Variants in LRMDA observed in about 807,000 individuals in gnomAD.
The protein encoded by LRMDA is leucine rich melanocyte differentiation associated.
A neutral mutation model predicts 29.8 loss-of-function variants in LRMDA; 18 were observed. That is an observed-to-expected ratio of 0.60 (90% CI 0.42 to 0.90). LRMDA has a LOEUF of 0.90. LRMDA is among the 40% of genes least tolerant of loss of function. The pLI is 0.00. For synonymous variants in LRMDA, 125 were observed against 109.4 expected (o/e 1.14, Z -0.89); for missense variants, 273 against 273.9 (o/e 1.00, Z 0.02).
intron 5 of LRMDA, among the ~76,000 whole-genome samples, chr10:76,093,855 A>C (rs1849271798): frequency 6.6e-6 from 1 of 152,192 alleles, no homozygotes; most frequent in African/African-American, 2.4e-5. Flanking sequence ...TGTCTAGAAC[A>C]TCTGCAGCTG....
At chr10:76,102,866 G>A (rs1849416471) in intron 5 of LRMDA, among the ~76,000 whole-genome samples, 1 of 152,026 alleles carries the variant, frequency 6.6e-6, no homozygotes, top group Non-Finnish European at 1.5e-5. Flanking sequence ...TGCCCAGGCT[G>A]GCCTTTAACT....
At chr10:75,740,511 G>A (rs1478629575) in intron 2 of LRMDA, among the ~76,000 whole-genome samples, 1 of 152,150 alleles carries the variant, frequency 6.6e-6, no homozygotes, top group East Asian at 1.9e-4. Flanking sequence ...GGGCCCCTCT[G>A]TGACCACCTG....
chr10:75,977,512 A>G (rs1236458936), intron 2 of LRMDA, among the ~76,000 whole-genome samples: 4 of 152,176 alleles, frequency 2.6e-5, no homozygotes, highest in African/African-American at 9.7e-5. Flanking sequence ...TTCTTTTTGG[A>G]CATCTTTTTA....
At chr10:76,271,651 A>G (rs1452965915) in intron 5 of LRMDA, among the ~76,000 whole-genome samples, 1 of 152,208 alleles carries the variant, frequency 6.6e-6, no homozygotes, top group African/African-American at 2.4e-5. Flanking sequence ...GACAGAAAAC[A>G]GGCTTGGACA....
At chr10:76,053,222 A>G (rs1848558814) in intron 4 of LRMDA, among the ~76,000 whole-genome samples, 1 of 152,172 alleles carries the variant, frequency 6.6e-6, no homozygotes, top group African/African-American at 2.4e-5. Context: ...CCTTCAAAAC[A>G]AACTGATTGA....
chr10:75,508,959 T>G (rs756820435), intron 2 of LRMDA, among the ~76,000 whole-genome samples: 1 of 152,264 alleles, frequency 6.6e-6, no homozygotes, highest in Non-Finnish European at 1.5e-5. Context: ...TGGTTGATTC[T>G]GTTATCTGTG....
chr10:75,454,154 C>T (rs1161990394), intron 2 of LRMDA, among the ~76,000 whole-genome samples: 1 of 152,162 alleles, frequency 6.6e-6, no homozygotes, highest in Non-Finnish European at 1.5e-5. Flanking sequence ...CAGGACGCTT[C>T]TGGAATGAGG....
chr10:75,613,699 A>G (rs781169308), intron 2 of LRMDA, among the ~76,000 whole-genome samples: 2 of 152,182 alleles, frequency 1.3e-5, no homozygotes, highest in South Asian at 4.1e-4. Flanking sequence ...AGCAACAGCC[A>G]GTGTTTCGTG....
At position 76,058,648 on chromosome 10, in the gene LRMDA, C is replaced by G. The variant is rs1297550502; in HGVS notation, c.399-18C>G. 6.2e-7 allele frequency: 1 copy of G among 1,600,894 alleles called. No individual in the cohort carries two copies. The highest frequency in any genetic ancestry group is 8.6e-7 in the Non-Finnish European group (1 of 1,168,028). ...GCCACTCAAACTTCCTGAGTTGTCT[C>G]TGACTCTTATCTTCCAGATGCTTTG... On this transcript the variant is annotated intron_variant, in intron 4 of 6. Transcript: ENST00000611255.
chr10:75,481,017 AG>A (rs1844850422), intron 2 of LRMDA, among the ~76,000 whole-genome samples: 1 of 152,120 alleles, frequency 6.6e-6, no homozygotes, highest in African/African-American at 2.4e-5. Flanking sequence ...CAGGGTTTTC[AG>A]GATGGAGGGG....
In LRMDA at chr10:76,376,859, GGAAGTCTTTTTT is replaced by G. The variant is rs1841525365; in HGVS notation, c.601+52375_601+52386del. 1.2e-4 allele frequency among the ~76,000 whole-genome samples: 5 copies of G among 43,472 alleles called. 1 individual carries two copies. The highest frequency in any genetic ancestry group is 2.7e-4 in the Non-Finnish European group (5 of 18,404). The allele number at this position is 43,472 out of a possible 152,430, so 28.5% of individuals were successfully genotyped here. On this transcript the variant is annotated intron_variant, in intron 6 of 6. Coordinates refer to ENST00000611255, the MANE Select transcript of LRMDA (RefSeq NM_001305581.2). ...TTTTTCAAATGTTTGTTGGGCACTT[GGAAGTCTTTTTT>G]TTTTTTTTTTTTTTTTTTTTTTTTT...
chr10:75,614,165 C>G (rs1329590408), intron 2 of LRMDA, among the ~76,000 whole-genome samples: 1 of 152,160 alleles, frequency 6.6e-6, no homozygotes, highest in Non-Finnish European at 1.5e-5. Flanking sequence ...TCTCACTCTT[C>G]CCTCTCTTAC....
intron 2 of LRMDA, among the ~76,000 whole-genome samples, chr10:76,028,818 CT>C (rs1237211316): frequency 0.02 from 2,557 of 130,992 alleles, 32 homozygotes; most frequent in African/African-American, 0.06. Context: ...TATTCAAAGC[CT>C]TTTTTTTTTT....
chr10:76,008,238 A>G (rs1365317375), intron 2 of LRMDA, among the ~76,000 whole-genome samples: 1 of 152,166 alleles, frequency 6.6e-6, no homozygotes, highest in Non-Finnish European at 1.5e-5. Context: ...CATGGATCAC[A>G]GTTTAGAAAT....
chr10:76,546,943 C>A (rs1843427098), intron 6 of LRMDA, among the ~76,000 whole-genome samples: 1 of 152,088 alleles, frequency 6.6e-6, no homozygotes, highest in South Asian at 2.1e-4. Flanking sequence ...CAAACAGCAG[C>A]TGGAATTATT....
At chr10:76,046,531 C>T (rs1848441578) in intron 3 of LRMDA, among the ~76,000 whole-genome samples, 2 of 152,134 alleles carry the variant, frequency 1.3e-5, no homozygotes, top group South Asian at 2.1e-4. Context: ...GAGTCTCGCT[C>T]TGTCACCTGG....
intron 6 of LRMDA, chr10:76,402,363 T>C (rs1054715955): frequency 5.9e-5 from 9 of 152,108 alleles, no homozygotes; most frequent in African/African-American, 2.2e-4. Flanking sequence ...TTTATTGTTC[T>C]TTTTTTAGAA....
At chr10:75,842,142 G>A (rs1844552324) in intron 2 of LRMDA, among the ~76,000 whole-genome samples, 1 of 152,206 alleles carries the variant, frequency 6.6e-6, no homozygotes, top group South Asian at 2.1e-4. Context: ...CTTTTCATAT[G>A]CCTGCAAGGC....
chr10:75,459,611 T>G (rs573955550), intron 2 of LRMDA, among the ~76,000 whole-genome samples: 5 of 152,230 alleles, frequency 3.3e-5, no homozygotes, highest in Non-Finnish European at 7.3e-5. Flanking sequence ...TATATATATT[T>G]TTTAAGCTCA....
Sources: gnomAD v4.1 joint callset for allele counts (sites outside exome capture counted in the v4.1 genomes callset) on GRCh38, gnomAD v4.1.1 for gene constraint, MANE v1.5 for transcripts, NCBI Gene and HGNC (gene_info 2026-07-23, HGNC 2026-07-21) for gene names.